KHDC1: variants seen among roughly 807,000 people sequenced by gnomAD.
KHDC1 encodes KH homology domain-containing protein 1.
In KHDC1, 21 loss-of-function variants were observed where a neutral mutation model predicts 24.7. The ratio of observed to expected loss-of-function variants is 0.85; its 90% CI spans 0.60 to 1.23. KHDC1 has a LOEUF of 1.23. Ranked by LOEUF, KHDC1 falls within the 50% of genes most tolerant of loss-of-function variation. The probability of loss-of-function intolerance (pLI) is 0.00; values close to 1 mark genes in which losing one functional copy is unlikely to be tolerated. For missense variants in KHDC1, 274 were observed against 298.5 expected, an observed-to-expected ratio of 0.92 and a Z score of 0.61; for synonymous variants, 98 against 111.7, an observed-to-expected ratio of 0.88 and a Z score of 0.77.
intron 2 of KHDC1, among the ~76,000 whole-genome samples, chr6:73,245,690 T>C (rs1341057239): frequency 1.3e-5 from 2 of 152,194 alleles, no homozygotes; most frequent in Non-Finnish European, 2.9e-5. Context: ...AGCAAGTGTG[T>C]TTATTATTGT....
chr6:73,278,421 G>T (rs139022545), intron 2 of KHDC1, among the ~76,000 whole-genome samples: 1 of 151,916 alleles, frequency 6.6e-6, no homozygotes, highest in African/African-American at 2.4e-5. Flanking sequence ...ACAGGGTCTC[G>T]CTACATTGCC....
chr6:73,243,986 T>A (rs911998139), intron 2 of KHDC1, among the ~76,000 whole-genome samples: 3 of 152,182 alleles, frequency 2.0e-5, no homozygotes, highest in African/African-American at 7.2e-5. Context: ...TTCCTATTAC[T>A]GGAATTGGAG....
At chr6:73,296,306 T>G (rs761270864) in intron 1 of KHDC1, among the ~76,000 whole-genome samples, 2 of 147,982 alleles carry the variant, frequency 1.4e-5, no homozygotes, top group Non-Finnish European at 3.0e-5. Context: ...AATATAAAAA[T>G]TAGCCAGGTG....
At chr6:73,295,389 G>C (rs1192707894) in intron 1 of KHDC1, among the ~76,000 whole-genome samples, 1 of 152,114 alleles carries the variant, frequency 6.6e-6, no homozygotes, top group Middle Eastern at 3.2e-3. Flanking sequence ...TTTTTTTACA[G>C]CAATGCAAGA....
intron 2 of KHDC1, chr6:73,290,842 A>C (rs1767636361): frequency 3.0e-6 from 1 of 337,700 alleles, no homozygotes; most frequent in Non-Finnish European, 5.8e-6. Flanking sequence ...CCTACCTACC[A>C]CTGCTGTATG....
chr6:73,271,155 A>G (rs1289195222), intron 2 of KHDC1, among the ~76,000 whole-genome samples: 3 of 152,108 alleles, frequency 2.0e-5, no homozygotes, highest in Non-Finnish European at 2.9e-5. Context: ...AGCAAAGTCT[A>G]TTAATTTCTT....
chr6:73,259,931 T>C (rs1766949493), intron 2 of KHDC1, among the ~76,000 whole-genome samples: 1 of 152,230 alleles, frequency 6.6e-6, no homozygotes, highest in Admixed American at 6.5e-5. Context: ...TTTCTCTTGC[T>C]GTAGTCCTGC....
intron 2 of KHDC1, among the ~76,000 whole-genome samples, chr6:73,260,080 C>A (rs1766953263): frequency 6.6e-6 from 1 of 152,202 alleles, no homozygotes; most frequent in African/African-American, 2.4e-5. Flanking sequence ...TGGTCTATAT[C>A]AGCATAGCCC....
intron 2 of KHDC1, among the ~76,000 whole-genome samples, chr6:73,246,440 G>A (rs774215604): frequency 6.6e-6 from 1 of 152,038 alleles, no homozygotes; most frequent in South Asian, 2.1e-4. Context: ...TCTGTAAAAC[G>A]CATGGACAGT....
In KHDC1 at chr6:73,241,582, GGGAAGGCTGA is replaced by G. The variant is rs1233226617; in HGVS notation, c.651_660del (p.Gln218LeufsTer4). The G allele has an allele frequency of 6.2e-7, 1 of 1,614,158 alleles. No homozygotes were observed. The highest frequency in any genetic ancestry group is 8.5e-7 in the Non-Finnish European group (1 of 1,180,028). On this transcript the variant is annotated frameshift_variant, in exon 5 of 5. Coordinates refer to ENST00000370384, the Ensembl canonical transcript of KHDC1. LOFTEE classifies it low-confidence loss of function (END_TRUNC). Reference sequence around the variant, plus strand: ...CCCGAACAACCAATCACTTGGTAAGGGGAAGGCTGAGGAACGCTAAGACACACGGTTCCAC... The same window carrying G: ...CCCGAACAACCAATCACTTGGTAAGGGGAACGCTAAGACACACGGTTCCAC...
chr6:73,260,771 ATCTC>A lies in KHDC1; in HGVS notation c.207-18245_207-18242del, dbSNP rs1208078008. ...TTTTAGCCAGTGTGGGAGAAAATGGATCTCTCTATTTTTTTGCTTTGCATGCCAG... is the reference window on the plus strand; with the variant it reads ...TTTTAGCCAGTGTGGGAGAAAATGGATCTATTTTTTTGCTTTGCATGCCAG... On this transcript the variant is annotated intron_variant, in intron 2 of 4. Coordinates refer to ENST00000370384, the Ensembl canonical transcript of KHDC1. Among the ~76,000 whole-genome samples the A allele has an allele frequency of 1.2e-4, 19 of 152,274 alleles. 1 individual carries two copies. The highest frequency in any genetic ancestry group is 3.4e-4 in the African/African-American group (14 of 41,550).
intron 2 of KHDC1, among the ~76,000 whole-genome samples, chr6:73,253,773 G>A (rs999109337): frequency 1.3e-5 from 2 of 151,882 alleles, no homozygotes; most frequent in African/African-American, 4.8e-5. Context: ...CAGGCATAGT[G>A]GTCCATGCCT....
chr6:73,304,139 A>C (rs972105284), intron 1 of KHDC1, among the ~76,000 whole-genome samples: 2 of 152,020 alleles, frequency 1.3e-5, no homozygotes, highest in South Asian at 4.2e-4. Flanking sequence ...AGATCATGCC[A>C]CTGCACACCA....
intron 2 of KHDC1, among the ~76,000 whole-genome samples, chr6:73,289,333 C>CAAAA (rs60179008): frequency 0.025 from 1,535 of 62,594 alleles, 163 homozygotes; most frequent in East Asian, 0.041. Flanking sequence ...GACTCCATCT[C>CAAAA]AAAAAAAAAA....
intron 2 of KHDC1, among the ~76,000 whole-genome samples, chr6:73,250,511 AG>A (rs1766759796): frequency 6.6e-6 from 1 of 152,254 alleles, no homozygotes; most frequent in Non-Finnish European, 1.5e-5. Context: ...CAAGGTGGAA[AG>A]GGAGGCAAAC....
chr6:73,268,266 C>CGGCG (rs1767110524), intron 2 of KHDC1: 2 of 152,830 alleles, frequency 1.3e-5, no homozygotes, highest in African/African-American at 4.8e-5. Context: ...GCTCTTAAGG[C>CGGCG]GGCGCATCTG....
intron 1 of KHDC1, among the ~76,000 whole-genome samples, chr6:73,297,411 T>C (rs1010478369): frequency 6.6e-6 from 1 of 152,190 alleles, no homozygotes; most frequent in Admixed American, 6.5e-5. Context: ...TGTTGTTTCA[T>C]GAATATTTAG....
intron 2 of KHDC1, among the ~76,000 whole-genome samples, chr6:73,279,789 G>A (rs1382982672): frequency 6.6e-6 from 1 of 151,976 alleles, no homozygotes; most frequent in Non-Finnish European, 1.5e-5. Context: ...TGTGTTGCCA[G>A]GCTGATCAAC....
chr6:73,270,623 C>T (rs1307830048), intron 2 of KHDC1: 1 of 152,042 alleles, frequency 6.6e-6, no homozygotes, highest in Non-Finnish European at 1.5e-5. Context: ...CAATATATAT[C>T]AACACCCTCT....
Sources: allele counts gnomAD v4.1 joint callset (sites outside exome capture counted in the v4.1 genomes callset), GRCh38; gene constraint gnomAD v4.1.1; transcripts MANE v1.5; gene names NCBI Gene and HGNC (gene_info 2026-07-23, HGNC 2026-07-21).